Variants in MTUS2 observed in about 807,000 individuals in gnomAD.
MTUS2 encodes microtubule associated scaffold protein 2, also known as microtubule-associated tumor suppressor candidate 2.
In MTUS2, 40 loss-of-function variants were observed where a neutral mutation model predicts 114.1. The ratio of observed to expected loss-of-function variants is 0.35; its 90% confidence interval spans 0.27 to 0.46. The LOEUF (loss-of-function observed/expected upper bound fraction) is 0.46. Ranked by LOEUF, MTUS2 falls within the 20% of genes least tolerant of loss-of-function variation. The pLI is 1.00. For synonymous variants in MTUS2, 688 were observed against 672.0 expected (o/e 1.02, Z -0.37); for missense variants, 1,679 against 1,705.4 (o/e 0.98, Z 0.27).
chr13:29,117,735 A>T (rs1891148958), intron 5 of MTUS2, among the ~76,000 whole-genome samples: 1 of 152,152 alleles, frequency 6.6e-6, no homozygotes, highest in Non-Finnish European at 1.5e-5. Context: ...AGGAGTTGAC[A>T]CATCAGACAG....
At chr13:29,125,547 G>C (rs529599889) in intron 5 of MTUS2, among the ~76,000 whole-genome samples, 1 of 152,306 alleles carries the variant, frequency 6.6e-6, no homozygotes, top group Non-Finnish European at 1.5e-5. Flanking sequence ...TCAAGAATAT[G>C]CTGTGCTGTT....
At chr13:29,247,687 A>C (rs1896976714) in intron 5 of MTUS2, among the ~76,000 whole-genome samples, 1 of 152,242 alleles carries the variant, frequency 6.6e-6, no homozygotes, top group African/African-American at 2.4e-5. Context: ...ATGCAAATCA[A>C]AACTACAATG....
chr13:29,301,897 A>G (rs560330199), intron 6 of MTUS2, among the ~76,000 whole-genome samples: 1 of 152,316 alleles, frequency 6.6e-6, no homozygotes, highest in African/African-American at 2.4e-5. Flanking sequence ...TTCCTCATAG[A>G]TGGTGCCTTC....
chr13:29,092,669 A>G (rs1890010717), intron 4 of MTUS2, among the ~76,000 whole-genome samples: 1 of 152,120 alleles, frequency 6.6e-6, no homozygotes, highest in South Asian at 2.1e-4. Flanking sequence ...TGGCCCCGCC[A>G]GACGAGTGGA....
chr13:29,274,728 T>C (rs1277044274), intron 5 of MTUS2, among the ~76,000 whole-genome samples: 1 of 152,158 alleles, frequency 6.6e-6, no homozygotes, highest in Non-Finnish European at 1.5e-5. Flanking sequence ...ATTGAGTTTA[T>C]AAAAATTCTT....
At position 29,492,648 on chromosome 13, in the gene MTUS2, T is replaced by C. The variant is rs1882269693; in HGVS notation, c.3508T>C (p.Leu1170=). 1.9e-6 allele frequency: 3 copies of C among 1,612,626 alleles called. No individual in the cohort carries two copies. The highest frequency in any genetic ancestry group is 1.3e-5 in the African/African-American group (1 of 74,894). Residue 1170 remains leucine (L), a splice_region_variant and synonymous_variant, in exon 12 of 16, where the codon TTG becomes CTG. Transcript: ENST00000612955. ...ACAATTTAATGTCTTCTTTCCAGAA[T>C]TGATGTCCACTCATGAGCTTGAAAA... The part of the protein sequence containing the change: ...QDDHDHKVQE[L]MSTHELEKKE...
intron 2 of MTUS2, among the ~76,000 whole-genome samples, chr13:28,871,055 A>T (rs980793556): frequency 6.6e-6 from 1 of 152,172 alleles, no homozygotes; most frequent in Non-Finnish European, 1.5e-5. Flanking sequence ...ATGATGTAAC[A>T]CATGTTTATT....
chr13:29,442,886 A>G (rs558515616), intron 9 of MTUS2, among the ~76,000 whole-genome samples: 3 of 151,964 alleles, frequency 2.0e-5, no homozygotes, highest in Non-Finnish European at 4.4e-5. Context: ...TACCCCCTGT[A>G]ATTTATAGCT....
chr13:28,929,383 T>C (rs1332972733), intron 2 of MTUS2, among the ~76,000 whole-genome samples: 3 of 152,190 alleles, frequency 2.0e-5, no homozygotes, highest in Admixed American at 1.3e-4. Flanking sequence ...ATGACACTGA[T>C]TTGATCTTTA....
At chr13:29,062,652 A>C (rs1888476088) in intron 4 of MTUS2, among the ~76,000 whole-genome samples, 1 of 152,124 alleles carries the variant, frequency 6.6e-6, no homozygotes, top group Non-Finnish European at 1.5e-5. Context: ...ATAACAGGCC[A>C]GTATGCTGTG....
At chr13:29,471,714 A>T in intron 9 of MTUS2, among the ~76,000 whole-genome samples, 1 of 149,928 alleles carries the variant, frequency 6.7e-6, no homozygotes, top group Admixed American at 6.7e-5. Context: ...GCTTCAGCTT[A>T]TGCTCCAGCC....
intron 9 of MTUS2, among the ~76,000 whole-genome samples, chr13:29,463,468 T>G (rs1206558758): frequency 4.6e-5 from 7 of 152,174 alleles, no homozygotes; most frequent in Non-Finnish European, 2.9e-5. Context: ...AGTTTCAGAA[T>G]GAGGAACAGG....
intron 8 of MTUS2, among the ~76,000 whole-genome samples, chr13:29,383,630 T>G (rs1872416227): frequency 6.6e-6 from 1 of 151,618 alleles, no homozygotes; most frequent in South Asian, 2.1e-4. Context: ...ACACCAGGCC[T>G]GCCACCTTCC....
intron 8 of MTUS2, among the ~76,000 whole-genome samples, chr13:29,415,191 G>T (rs1875576047): frequency 6.6e-6 from 1 of 151,818 alleles, no homozygotes; most frequent in East Asian, 1.9e-4. Flanking sequence ...GAACTTACTA[G>T]TATTTTCTTT....
At chr13:29,187,698 G>A (rs752152923) in intron 5 of MTUS2, among the ~76,000 whole-genome samples, 1 of 152,030 alleles carries the variant, frequency 6.6e-6, no homozygotes, top group Non-Finnish European at 1.5e-5. Flanking sequence ...ACCAGATGAG[G>A]TCAAAATTAT....
intron 11 of MTUS2, among the ~76,000 whole-genome samples, chr13:29,491,372 T>C (rs1882065050): frequency 1.3e-5 from 2 of 148,868 alleles, no homozygotes; most frequent in African/African-American, 5.0e-5. Context: ...GGTGTGTATA[T>C]GGTATATATG....
intron 5 of MTUS2, among the ~76,000 whole-genome samples, chr13:29,201,370 T>A (rs1243660264): frequency 1.3e-5 from 2 of 152,014 alleles, no homozygotes; most frequent in African/African-American, 4.8e-5. Flanking sequence ...TTGGTAAAAA[T>A]TCCTCAATTT....
intron 2 of MTUS2, among the ~76,000 whole-genome samples, chr13:28,989,655 G>A (rs1196694589): frequency 6.6e-6 from 1 of 152,158 alleles, no homozygotes; most frequent in African/African-American, 2.4e-5. Context: ...AGGCTGGATG[G>A]GGAGGATGAG....
intron 4 of MTUS2, among the ~76,000 whole-genome samples, chr13:29,100,193 A>G (rs1354776098): frequency 6.6e-6 from 1 of 152,220 alleles, no homozygotes; most frequent in Admixed American, 6.5e-5. Context: ...GCTTGAGGTT[A>G]CACAGCTCGT....
Sources: allele counts gnomAD v4.1 joint callset (sites outside exome capture counted in the v4.1 genomes callset), GRCh38; gene constraint gnomAD v4.1.1; transcripts MANE v1.5; gene names NCBI Gene and HGNC (gene_info 2026-07-23, HGNC 2026-07-21).